CEP128: variants seen among roughly 807,000 people sequenced by gnomAD.
CEP128 encodes the protein centrosomal protein 128kDa.
In CEP128, 132 loss-of-function variants were observed where a neutral mutation model predicts 156.7. The observed-to-expected ratio is 0.84, with a 90% confidence interval of 0.73 to 0.97. CEP128 has a LOEUF of 0.97. CEP128 is among the 50% of genes least tolerant of loss of function. The probability of loss-of-function intolerance (pLI) is 0.00; values close to 1 mark genes in which losing one functional copy is unlikely to be tolerated. For missense variants in CEP128, 1,252 were observed against 1,281.9 expected, an observed-to-expected ratio of 0.98 and a Z score of 0.36; for synonymous variants, 469 against 448.9, an observed-to-expected ratio of 1.04 and a Z score of -0.57.
intron 19 of CEP128, among the ~76,000 whole-genome samples, chr14:80,639,684 G>A (rs557938769): frequency 1.1e-4 from 16 of 152,106 alleles, no homozygotes; most frequent in Non-Finnish European, 2.1e-4. Context: ...CTTAGAAACA[G>A]CTGATTACCC....
At chr14:80,776,819 T>C (rs1410145503) in intron 16 of CEP128, among the ~76,000 whole-genome samples, 1 of 152,096 alleles carries the variant, frequency 6.6e-6, no homozygotes, top group Non-Finnish European at 1.5e-5. Flanking sequence ...TTCAAACCCT[T>C]TTAGGAAGTG....
chr14:80,850,242 T>G (rs1886820865), intron 9 of CEP128, among the ~76,000 whole-genome samples: 1 of 152,190 alleles, frequency 6.6e-6, no homozygotes, highest in Non-Finnish European at 1.5e-5. Flanking sequence ...AAATTTGTAA[T>G]AACAGACAGT....
intron 18 of CEP128, among the ~76,000 whole-genome samples, chr14:80,754,156 A>G (rs780240976): frequency 6.6e-6 from 1 of 152,268 alleles, no homozygotes. Flanking sequence ...GCTCTACTGG[A>G]TGAACTTAAT....
intron 9 of CEP128, among the ~76,000 whole-genome samples, chr14:80,842,654 C>T (rs1249342812): frequency 6.6e-6 from 1 of 151,682 alleles, no homozygotes; most frequent in Non-Finnish European, 1.5e-5. Flanking sequence ...GGGTGTAAGC[C>T]TGCACTGGAT....
At chr14:80,485,671 T>C (rs1188391469), downstream of CEP128, among the ~76,000 whole-genome samples, 1 of 152,188 alleles carries the variant, frequency 6.6e-6, no homozygotes, top group Non-Finnish European at 1.5e-5. Flanking sequence ...TTAAATAAGA[T>C]TTGGCACATA....
At chr14:80,549,890 T>G (rs190024763) in intron 21 of CEP128, among the ~76,000 whole-genome samples, 1 of 152,264 alleles carries the variant, frequency 6.6e-6, no homozygotes, top group East Asian at 1.9e-4. Context: ...CCAACAGCAA[T>G]TGTCTACTCC....
chr14:80,646,703 T>C (rs1894649023), intron 19 of CEP128, among the ~76,000 whole-genome samples: 1 of 151,836 alleles, frequency 6.6e-6, no homozygotes, highest in Non-Finnish European at 1.5e-5. Flanking sequence ...TAATCCTTAA[T>C]GTTATCGTTA....
At chr14:80,800,396 T>C (rs1883772209) in intron 13 of CEP128, among the ~76,000 whole-genome samples, 1 of 152,162 alleles carries the variant, frequency 6.6e-6, no homozygotes, top group Non-Finnish European at 1.5e-5. Flanking sequence ...TTAGAATTAG[T>C]GACATAATCC....
At chr14:80,839,583 C>T (rs1566663014) in intron 10 of CEP128, among the ~76,000 whole-genome samples, 2 of 152,094 alleles carry the variant, frequency 1.3e-5, no homozygotes, top group East Asian at 1.9e-4. Context: ...GTAGATTGTA[C>T]CAACACCAAT....
intron 14 of CEP128, 38 bp from the exon 15 acceptor site, chr14:80,785,583 A>G: frequency 6.8e-7 from 1 of 1,469,800 alleles, no homozygotes; most frequent in Non-Finnish European, 9.1e-7. Context: ...GAAAAAAATA[A>G]AAGTTACTGT....
chr14:80,606,232 G>C (rs984280418), intron 19 of CEP128, among the ~76,000 whole-genome samples: 1 of 152,098 alleles, frequency 6.6e-6, no homozygotes, highest in Admixed American at 6.6e-5. Flanking sequence ...AAGGCTACTT[G>C]TTTCATTTTC....
At chr14:80,515,230 T>C (rs1196462912) in intron 23 of CEP128, among the ~76,000 whole-genome samples, 1 of 152,160 alleles carries the variant, frequency 6.6e-6, no homozygotes, top group Admixed American at 6.5e-5. Flanking sequence ...CTGTAGCTTC[T>C]TCAGTTAGCA....
intron 21 of CEP128, among the ~76,000 whole-genome samples, chr14:80,539,199 A>T (rs537047395): frequency 1.3e-5 from 2 of 152,348 alleles, no homozygotes; most frequent in South Asian, 4.1e-4. Flanking sequence ...TTCATAAAAT[A>T]TGATGTCATA....
At chr14:80,955,498 T>TA in intron 2 of CEP128, 5 of 715,984 alleles carry the variant, frequency 7.0e-6, no homozygotes, top group South Asian at 6.7e-5. Context: ...GCGGAGCACT[T>TA]AAGTGCCTCT....
At chr14:80,877,215 A>T (rs1888325063) in intron 8 of CEP128, among the ~76,000 whole-genome samples, 1 of 152,142 alleles carries the variant, frequency 6.6e-6, no homozygotes, top group Non-Finnish European at 1.5e-5. Flanking sequence ...CAGAAAAATG[A>T]AAACTAATAA....
intron 23 of CEP128, among the ~76,000 whole-genome samples, chr14:80,510,926 A>G (rs1888215893): frequency 6.6e-6 from 1 of 151,702 alleles, no homozygotes; most frequent in African/African-American, 2.4e-5. Context: ...GGATGTGTGT[A>G]TGTTAAACCA....
intron 13 of CEP128, among the ~76,000 whole-genome samples, chr14:80,793,988 T>C (rs1901854679): frequency 6.6e-6 from 1 of 152,152 alleles, no homozygotes; most frequent in South Asian, 2.1e-4. Flanking sequence ...TGTAAGAAAG[T>C]GATAAATTCA....
intron 19 of CEP128, among the ~76,000 whole-genome samples, chr14:80,711,676 A>T (rs1358394036): frequency 6.6e-6 from 1 of 152,122 alleles, no homozygotes; most frequent in Non-Finnish European, 1.5e-5. Context: ...ATAATCAATA[A>T]TTTAAGTATA....
intron 22 of CEP128, among the ~76,000 whole-genome samples, chr14:80,530,450 C>T (rs1889173272): frequency 1.3e-5 from 2 of 152,110 alleles, no homozygotes; most frequent in Non-Finnish European, 2.9e-5. Context: ...ACAAACAGTA[C>T]CCAAATAATT....
Sources: allele counts gnomAD v4.1 joint callset (sites outside exome capture counted in the v4.1 genomes callset), GRCh38; gene constraint gnomAD v4.1.1; transcripts MANE v1.5; gene names NCBI Gene and HGNC (gene_info 2026-07-23, HGNC 2026-07-21).